The following SEMA6D variants were observed in gnomAD, a reference collection of about 807,000 sequenced individuals.
The protein encoded by SEMA6D is semaphorin 6D, also known as semaphorin-6D.
In SEMA6D, 35 loss-of-function variants were observed where a neutral mutation model predicts 106.6. The ratio of observed to expected loss-of-function variants is 0.33; its 90% CI spans 0.25 to 0.44. The LOEUF (loss-of-function observed/expected upper bound fraction) is 0.44. SEMA6D is among the 20% of genes least tolerant of loss of function. SEMA6D has a pLI of 1.00. For synonymous variants in SEMA6D, 499 were observed against 487.7 expected (o/e 1.02, Z -0.31); for missense variants, 1,185 against 1,345.9 (o/e 0.88, Z 1.87).
intron 4 of SEMA6D, chr15:47,605,360 A>T (rs1233423055): frequency 6.6e-6 from 1 of 152,238 alleles, no homozygotes; most frequent in Non-Finnish European, 1.5e-5. Flanking sequence ...GATCTGAGAC[A>T]GAGAGAAAGG....
intron 3 of SEMA6D, among the ~76,000 whole-genome samples, chr15:47,474,939 C>T (rs1412501891): frequency 6.6e-6 from 1 of 152,164 alleles, no homozygotes; most frequent in Non-Finnish European, 1.5e-5. Context: ...GGCATATATT[C>T]TGGATGATAT....
intron 1 of SEMA6D, among the ~76,000 whole-genome samples, chr15:47,197,891 C>A (rs1020616280): frequency 2.0e-5 from 3 of 151,994 alleles, no homozygotes; most frequent in Middle Eastern, 3.4e-3. Context: ...ATACAAATTT[C>A]TTTCTGTGTC....
intron 3 of SEMA6D, among the ~76,000 whole-genome samples, chr15:47,567,736 G>C (rs768023713): frequency 6.6e-6 from 1 of 151,980 alleles, no homozygotes; most frequent in East Asian, 1.9e-4. Flanking sequence ...TTGTCTTCCC[G>C]CACTGAAGTT....
intron 3 of SEMA6D, among the ~76,000 whole-genome samples, chr15:47,486,190 A>G (rs1305045778): frequency 3.3e-5 from 5 of 152,226 alleles, no homozygotes; most frequent in Admixed American, 1.3e-4. Context: ...AAACAATCTC[A>G]GCCTATGAAA....
At chr15:47,306,480 G>T (rs1215246791) in intron 1 of SEMA6D, among the ~76,000 whole-genome samples, 4 of 152,150 alleles carry the variant, frequency 2.6e-5, no homozygotes, top group Non-Finnish European at 5.9e-5. Flanking sequence ...CCAGCACTTT[G>T]AGAGGCTGAG....
At chr15:47,406,477 A>G (rs1226192528) in intron 1 of SEMA6D, among the ~76,000 whole-genome samples, 1 of 152,238 alleles carries the variant, frequency 6.6e-6, no homozygotes, top group African/African-American at 2.4e-5. Flanking sequence ...AAAACATACC[A>G]AAGAACAAAA....
At chr15:47,645,094 G>A (rs1596520058) in intron 4 of SEMA6D, among the ~76,000 whole-genome samples, 1 of 152,182 alleles carries the variant, frequency 6.6e-6, no homozygotes, top group Non-Finnish European at 1.5e-5. Context: ...GAGCATGTGG[G>A]TGCCGGGGCG....
At chr15:47,762,950 C>A in intron 8 of SEMA6D, 66 bp from the exon 9 acceptor site, 2 of 1,161,262 alleles carry the variant, frequency 1.7e-6, no homozygotes, top group South Asian at 1.4e-5. Context: ...TCATGCTTTG[C>A]AGTCGGGGTC....
chr15:47,251,892 C>A (rs62014025), intron 1 of SEMA6D, among the ~76,000 whole-genome samples: 1 of 142,586 alleles, frequency 7.0e-6, no homozygotes, highest in Non-Finnish European at 1.5e-5. Flanking sequence ...TGTATTTTAT[C>A]CACTTTCTAA....
intron 3 of SEMA6D, among the ~76,000 whole-genome samples, chr15:47,471,456 C>T (rs1014604913): frequency 6.6e-6 from 1 of 152,180 alleles, no homozygotes; most frequent in Admixed American, 6.5e-5. Flanking sequence ...TTATGATATA[C>T]ACCTTGCTTA....
chr15:47,727,298 A>G (rs1213099047), intron 1 of SEMA6D, among the ~76,000 whole-genome samples: 1 of 152,196 alleles, frequency 6.6e-6, no homozygotes, highest in African/African-American at 2.4e-5. Flanking sequence ...GAGCTCCAAC[A>G]TCAATGGGTC....
At chr15:47,641,459 C>G (rs1158772021) in intron 4 of SEMA6D, among the ~76,000 whole-genome samples, 1 of 152,056 alleles carries the variant, frequency 6.6e-6, no homozygotes, top group Non-Finnish European at 1.5e-5. Context: ...TCTAAAATCC[C>G]TAATTTCTAA....
chr15:47,587,391 C>G, intron 3 of SEMA6D, among the ~76,000 whole-genome samples: 1 of 152,210 alleles, frequency 6.6e-6, no homozygotes. Flanking sequence ...GCATTTCAGA[C>G]CTCTCTGAAG....
At chr15:47,248,323 A>G (rs1321027820) in intron 1 of SEMA6D, among the ~76,000 whole-genome samples, 1 of 152,212 alleles carries the variant, frequency 6.6e-6, no homozygotes, top group East Asian at 1.9e-4. Flanking sequence ...CATTATCAGG[A>G]AACAAATGAG....
rs529984123 is a variant in SEMA6D at position 47,697,572 on chromosome 15, G to T, written c.-54-62173G>T. On this transcript the variant is annotated intron_variant, in intron 4 of 19. Coordinates refer to the SEMA6D transcript ENST00000558014. ...TACTTCTAAATTCCAATTATTTTTA[G>T]GTAATAATTTAATAAACTGGATTTG... 7.9e-5 allele frequency among the ~76,000 whole-genome samples: 12 copies of T among 152,138 alleles called. No individual in the cohort carries two copies. In the South Asian group the frequency reaches 2.3e-3, roughly 29 times the overall value.
intron 1 of SEMA6D, among the ~76,000 whole-genome samples, chr15:47,288,064 A>T (rs1327661366): frequency 6.6e-6 from 1 of 152,202 alleles, no homozygotes; most frequent in Non-Finnish European, 1.5e-5. Context: ...TTGTGAAGTC[A>T]GAGGGAGAGT....
At chr15:47,420,046 T>G (rs917140074) in intron 2 of SEMA6D, among the ~76,000 whole-genome samples, 2 of 152,054 alleles carry the variant, frequency 1.3e-5, no homozygotes, top group Non-Finnish European at 2.9e-5. Context: ...TGAAGAGCTG[T>G]CAGGTGGTGA....
chr15:47,667,043 C>G lies in SEMA6D; in HGVS notation c.-55+66147C>G, dbSNP rs527595209. ...TCCAGCATATGAGTCCAGAAGCCTC[C>G]AGAAGATTCCAGCAGCGAGCCAACC... is the stretch of plus-strand genomic sequence containing the variant. On this transcript the variant is annotated intron_variant, in intron 4 of 19. Transcript: ENST00000558014. Among the ~76,000 whole-genome samples, 3 of 152,260 alleles carry G rather than the reference C, an allele frequency of 2.0e-5. No individual in the cohort carries two copies. In the East Asian group the frequency reaches 5.8e-4, roughly 29 times the overall value.
At chr15:47,310,667 G>A (rs577788085) in intron 1 of SEMA6D, among the ~76,000 whole-genome samples, 75 of 151,846 alleles carry the variant, frequency 4.9e-4, no homozygotes, top group Middle Eastern at 3.4e-3. Flanking sequence ...TTTTTGTCTC[G>A]CTTAATTCTC....
Sources: allele counts gnomAD v4.1 joint callset (sites outside exome capture counted in the v4.1 genomes callset), GRCh38; gene constraint gnomAD v4.1.1; transcripts MANE v1.5; gene names NCBI Gene and HGNC (gene_info 2026-07-23, HGNC 2026-07-21).